ESYT2: variants seen among roughly 807,000 people sequenced by gnomAD.
ESYT2 encodes extended synaptotagmin-2.
In ESYT2, 54 loss-of-function variants were observed where a neutral mutation model predicts 107.2. That is an observed-to-expected ratio of 0.50 (90% CI 0.40 to 0.63). ESYT2 has a LOEUF of 0.63. ESYT2 is among the 30% of genes least tolerant of loss of function. ESYT2 has a pLI of 0.00. For missense variants in ESYT2, 1,020 were observed against 1,094.5 expected (o/e 0.93, Z 0.96); for synonymous variants, 491 against 434.1 (o/e 1.13, Z -1.63).
chr7:158,767,938 T>G (rs568252042), intron 7 of ESYT2, among the ~76,000 whole-genome samples, 164 bp from the exon 8 acceptor site: 4 of 152,310 alleles, frequency 2.6e-5, no homozygotes, highest in Admixed American at 2.0e-4. Context: ...GCATTTCAAT[T>G]CTTTAGCTGT....
intron 19 of ESYT2, among the ~76,000 whole-genome samples, chr7:158,737,383 C>T (rs906273643): frequency 2.0e-5 from 3 of 152,208 alleles, no homozygotes; most frequent in Non-Finnish European, 4.4e-5. Flanking sequence ...GTGGCTTTCT[C>T]AGCAGCGACT....
intron 18 of ESYT2, 143 bp downstream of exon 18, chr7:158,741,380 G>A: frequency 8.2e-7 from 1 of 1,222,388 alleles, no homozygotes; most frequent in Non-Finnish European, 1.1e-6. Context: ...ACAACCTGAA[G>A]TGCTTTCAGT....
Position 158,829,445 on chromosome 7 carries a change from C to G in ESYT2, c.-27G>C, listed in dbSNP as rs1840567121. 8.4e-7 allele frequency: 1 copy of G among 1,188,916 alleles called. No individual in the cohort carries two copies. The highest frequency in any genetic ancestry group is 1.0e-6 in the Non-Finnish European group (1 of 962,560). The allele number at this position is 1,188,916 out of a possible 1,614,324, so 73.6% of individuals were successfully genotyped here. ...GCCCCGCAGTGCCGCGCTGCCCTCCCGGCCGAGGCGGGCTGGGTGCTCGCG... is the reference window on the plus strand; with the variant it reads ...GCCCCGCAGTGCCGCGCTGCCCTCCGGGCCGAGGCGGGCTGGGTGCTCGCG... On this transcript the variant is annotated 5_prime_UTR_variant, in exon 1 of 23. Coordinates refer to ENST00000275418, the MANE Select transcript of ESYT2 (RefSeq NM_001367773.1).
chr7:158,777,212 C>T (rs1296002411), intron 6 of ESYT2, among the ~76,000 whole-genome samples: 2 of 152,052 alleles, frequency 1.3e-5, no homozygotes, highest in Non-Finnish European at 2.9e-5. Context: ...TACATAAAGG[C>T]CACTGCAGGG....
intron 19 of ESYT2, among the ~76,000 whole-genome samples, chr7:158,738,212 T>C (rs1055090174): frequency 1.3e-5 from 2 of 151,298 alleles, no homozygotes; most frequent in Admixed American, 6.6e-5. Context: ...CTCGGGTGGC[T>C]GAGGCAGGAG....
intron 18 of ESYT2, among the ~76,000 whole-genome samples, chr7:158,740,896 A>C (rs1383091723): frequency 6.6e-6 from 1 of 152,150 alleles, no homozygotes; most frequent in Non-Finnish European, 1.5e-5. Flanking sequence ...ACCTCTTATA[A>C]CACCACACAG....
chr7:158,768,724 G>A (rs1484586287), intron 7 of ESYT2, among the ~76,000 whole-genome samples: 1 of 152,202 alleles, frequency 6.6e-6, no homozygotes, highest in Non-Finnish European at 1.5e-5. Context: ...GGTCAAAGAT[G>A]TACTTTTAAT....
At chr7:158,772,128 A>G (rs1299345648) in intron 7 of ESYT2, among the ~76,000 whole-genome samples, 1 of 152,124 alleles carries the variant, frequency 6.6e-6, no homozygotes, top group African/African-American at 2.4e-5. Flanking sequence ...TCTCAAAAAA[A>G]AAAAAAGAAA....
chr7:158,735,470 C>T, intron 21 of ESYT2, 33 bp downstream of exon 21: 1 of 1,572,116 alleles, frequency 6.4e-7, no homozygotes, highest in Non-Finnish European at 8.8e-7. Context: ...TTACAAACTG[C>T]AGGAACTGGT....
At chr7:158,814,456 T>C (rs937955220) in intron 1 of ESYT2, among the ~76,000 whole-genome samples, 1 of 151,566 alleles carries the variant, frequency 6.6e-6, no homozygotes, top group African/African-American at 2.4e-5. Flanking sequence ...TTTAAAAATA[T>C]ACATTACTCG....
chr7:158,787,561 C>T (rs539901282), intron 6 of ESYT2, among the ~76,000 whole-genome samples: 1 of 152,186 alleles, frequency 6.6e-6, no homozygotes, highest in Admixed American at 6.5e-5. Context: ...AGCTCTGTAT[C>T]AGACTAAACT....
At chr7:158,787,205 T>C (rs898727187) in intron 6 of ESYT2, among the ~76,000 whole-genome samples, 3 of 152,280 alleles carry the variant, frequency 2.0e-5, no homozygotes, top group Non-Finnish European at 2.9e-5. Context: ...AAATAACAAA[T>C]AGTATTAACT....
chr7:158,805,636 C>T (rs937696272), intron 1 of ESYT2, among the ~76,000 whole-genome samples: 1 of 152,136 alleles, frequency 6.6e-6, no homozygotes, highest in Non-Finnish European at 1.5e-5. Flanking sequence ...TTATGGGCTT[C>T]GATTACTGCA....
At chr7:158,791,992 A>T (rs1057176196) in intron 4 of ESYT2, among the ~76,000 whole-genome samples, 1 of 152,066 alleles carries the variant, frequency 6.6e-6, no homozygotes, top group African/African-American at 2.4e-5. Context: ...TCTCCTCCTT[A>T]GTTTATTCCT....
chr7:158,739,481 G>A (rs1176710141), intron 18 of ESYT2, among the ~76,000 whole-genome samples: 1 of 152,036 alleles, frequency 6.6e-6, no homozygotes, highest in Non-Finnish European at 1.5e-5. Context: ...TGAGTAGCTG[G>A]GATTACAGGC....
At chr7:158,813,741 C>T (rs967787713) in intron 1 of ESYT2, among the ~76,000 whole-genome samples, 1 of 152,144 alleles carries the variant, frequency 6.6e-6, no homozygotes. Context: ...CTCTGTTCCT[C>T]GTCCCGATGA....
Position 158,734,381 on chromosome 7 carries a change from G to C in ESYT2, c.2555+41C>G, listed in dbSNP as rs1836844431. Reference sequence around the variant, plus strand: ...CCACTGGGCGGGGAAAGCGTTTTTAGCTACACACTGGGGTTCTCTGTCTGC... The same window carrying C: ...CCACTGGGCGGGGAAAGCGTTTTTACCTACACACTGGGGTTCTCTGTCTGC... On this transcript the variant is annotated intron_variant, in intron 22 of 22. Coordinates refer to ENST00000275418, the MANE Select transcript of ESYT2 (RefSeq NM_001367773.1). 8 of 1,612,752 alleles carry C rather than the reference G, an allele frequency of 5.0e-6. No homozygotes were observed. The East Asian group carries it at 1.6e-4, about 31-fold the overall frequency.
chr7:158,786,141 T>G (rs1190801004), intron 6 of ESYT2, among the ~76,000 whole-genome samples: 1 of 121,904 alleles, frequency 8.2e-6, no homozygotes, highest in Non-Finnish European at 1.7e-5. Flanking sequence ...AGCACTAAAT[T>G]TCATTTGGAA....
chr7:158,809,959 A>AT (rs1189113420), intron 1 of ESYT2, among the ~76,000 whole-genome samples: 36 of 152,350 alleles, frequency 2.4e-4, no homozygotes, highest in Non-Finnish European at 1.0e-4. Flanking sequence ...GGACTGCCCA[A>AT]TTTGTGAATC....
Sources: allele counts gnomAD v4.1 joint callset (sites outside exome capture counted in the v4.1 genomes callset), GRCh38; gene constraint gnomAD v4.1.1; transcripts MANE v1.5; gene names NCBI Gene and HGNC (gene_info 2026-07-23, HGNC 2026-07-21).